CDNF: variants seen among roughly 807,000 people sequenced by gnomAD.
CDNF encodes the protein ARMET-like protein 1.
CDNF carries 9 observed loss-of-function variants against 14.8 expected under a neutral mutation model. That is an observed-to-expected ratio of 0.61 (90% CI 0.37 to 1.06). The LOEUF is 1.06. CDNF is among the 50% of genes least tolerant of loss of function. CDNF has a pLI of 0.01. For missense variants in CDNF, 228 were observed against 228.4 expected (o/e 1.00, Z 0.01); for synonymous variants, 86 against 87.2 (o/e 0.99, Z 0.07).
intron 3 of CDNF, among the ~76,000 whole-genome samples, chr10:14,822,182 C>G (rs1259171999): frequency 1.3e-5 from 2 of 152,112 alleles, no homozygotes; most frequent in African/African-American, 4.8e-5. Flanking sequence ...TTGGTGCCAG[C>G]CAACCTGGCT....
At chr10:14,824,370 A>C (rs7899163) in intron 3 of CDNF, among the ~76,000 whole-genome samples, 65,956 of 151,986 alleles carry the variant, frequency 0.43, 17,895 homozygotes, top group African/African-American at 0.77. Flanking sequence ...CTTTGAGAGG[A>C]CAAGGCAGGT....
chr10:14,826,117 AGC>A (rs1463692099), intron 2 of CDNF, among the ~76,000 whole-genome samples: 1,735 of 135,618 alleles, frequency 0.013, 92 homozygotes, highest in South Asian at 0.041. Flanking sequence ...CAGCAGCAGC[AGC>A]AGCAGAAGCA....
chr10:14,819,950 T>G lies in CDNF; in HGVS notation c.*30A>C, dbSNP rs759972267. On this transcript the variant is annotated 3_prime_UTR_variant, in exon 4 of 4. Transcript: ENST00000465530. ...CTAGAGAGTCACTTTTCTCTCTAAT[T>G]ACAAGTCACAAATGTGCTGGCATTG... 1 of 1,599,152 alleles carries G rather than the reference T, an allele frequency of 6.3e-7. No homozygotes were observed. Among genetic ancestry groups the G allele is most frequent in the African/African-American group, 1.3e-5 (1 of 74,338 alleles).
intron 3 of CDNF, among the ~76,000 whole-genome samples, chr10:14,822,859 A>ATACAC (rs1564312301): frequency 6.6e-6 from 1 of 152,248 alleles, no homozygotes. Context: ...AGGGTCAGCT[A>ATACAC]TACACTGTGC....
At chr10:14,833,312 G>C (rs1833861341) in intron 1 of CDNF, among the ~76,000 whole-genome samples, 4 of 152,098 alleles carry the variant, frequency 2.6e-5, no homozygotes, top group Non-Finnish European at 4.4e-5. Context: ...CTAACTACTT[G>C]AGGGCCTGCA....
chr10:14,825,144 G>A (rs1043296588), intron 3 of CDNF, among the ~76,000 whole-genome samples: 4 of 151,582 alleles, frequency 2.6e-5, no homozygotes, highest in African/African-American at 9.7e-5. Context: ...TTTTAGTAGA[G>A]ACAGGGTTTA....
chr10:14,828,380 G>A, intron 1 of CDNF, 108 bp from the exon 2 acceptor site: 1 of 1,052,766 alleles, frequency 9.5e-7, no homozygotes, highest in Non-Finnish European at 1.4e-6. Context: ...TGGGCATGGT[G>A]GCTTACCCCT....
intron 2 of CDNF, 72 bp downstream of exon 2, chr10:14,828,073 C>G: frequency 1.3e-6 from 2 of 1,498,958 alleles, no homozygotes. Flanking sequence ...GAGGACTTCA[C>G]GTCTAAGAAA....
intron 1 of CDNF, among the ~76,000 whole-genome samples, chr10:14,836,552 T>A (rs1166325371): frequency 6.6e-6 from 1 of 152,242 alleles, no homozygotes; most frequent in East Asian, 1.9e-4. Flanking sequence ...AATATCTTTA[T>A]ATCGAGTAAT....
intron 2 of CDNF, 69 bp from the exon 3 acceptor site, chr10:14,825,689 G>A: frequency 1.3e-6 from 2 of 1,505,580 alleles, no homozygotes; most frequent in East Asian, 2.3e-5. Flanking sequence ...CAGTAATGAA[G>A]GAATACAGTA....
chr10:14,822,976 T>C (rs1453160785), intron 3 of CDNF, among the ~76,000 whole-genome samples: 1 of 152,220 alleles, frequency 6.6e-6, no homozygotes, highest in African/African-American at 2.4e-5. Context: ...ACCTTCCTAA[T>C]TGAAAACATA....
At chr10:14,820,597 C>T (rs1171064453) in intron 3 of CDNF, among the ~76,000 whole-genome samples, 2 of 151,358 alleles carry the variant, frequency 1.3e-5, no homozygotes, top group South Asian at 2.1e-4. Flanking sequence ...CCGGGCATGG[C>T]GGTGGCATGC....
At chr10:14,826,622 C>A (rs1310666732) in intron 2 of CDNF, among the ~76,000 whole-genome samples, 6 of 152,164 alleles carry the variant, frequency 3.9e-5, no homozygotes, top group African/African-American at 1.4e-4. Flanking sequence ...ATTAGATGTG[C>A]CCTACAATTC....
Position 14,828,256 on chromosome 10 carries a change from C to G in CDNF, c.132G>C (p.Leu44Phe). 3 of 1,613,732 alleles carry G rather than the reference C, an allele frequency of 1.9e-6. No individual in the cohort carries two copies. Among genetic ancestry groups the G allele is most frequent in the Non-Finnish European group, 2.5e-6 (3 of 1,179,742 alleles). Residue 44 changes from leucine to phenylalanine, a missense_variant, in exon 2 of 4, where the codon TTG becomes TTC. Physicochemically the swap from Leu to Phe is conservative, Grantham distance 22 (BLOSUM62 0). Coordinates refer to ENST00000465530, the MANE Select transcript of CDNF (RefSeq NM_001029954.3). The stretch of plus-strand genomic sequence containing the variant: ...CTATCAGTGACTTGTAGAATCGGTT[C>G]AAGAATTCTTTACATACTGGAAGGA... The part of the protein sequence containing the change: ...GADCEVCKEF[L>F]NRFYKSLIDR...
In CDNF at chr10:14,819,467, G is replaced by A. The variant is rs940942930; in HGVS notation, c.*513C>T. On this transcript the variant is annotated 3_prime_UTR_variant, in exon 4 of 4. Transcript: ENST00000465530. ...TGGGTTTTCTTCCAATGGGAAAAAC[G>A]AGTACTCCTGCCTGACCATTTCTGA... is the stretch of plus-strand genomic sequence containing the variant. 2.6e-5 allele frequency: 4 copies of A among 151,972 alleles called. No homozygotes were observed. The highest frequency in any genetic ancestry group is 1.3e-4 in the Admixed American group (2 of 15,250). The allele number at this position is 151,972 out of a possible 1,614,324, so 9.4% of individuals were successfully genotyped here. A position where few individuals can be genotyped will look rare whatever the true frequency, so the allele number is the denominator to read the frequency against.
At chr10:14,831,388 A>G (rs1833841988) in intron 1 of CDNF, among the ~76,000 whole-genome samples, 1 of 148,576 alleles carries the variant, frequency 6.7e-6, no homozygotes. Flanking sequence ...ATATTTTCAC[A>G]TTTTTATTTT....
At chr10:14,824,553 C>A (rs1833763292) in intron 3 of CDNF, among the ~76,000 whole-genome samples, 1 of 149,314 alleles carries the variant, frequency 6.7e-6, no homozygotes, top group Non-Finnish European at 1.5e-5. Flanking sequence ...TTGCAGTGAG[C>A]CAAGATCGCA....
intron 2 of CDNF, among the ~76,000 whole-genome samples, chr10:14,826,206 A>C (rs1323769595): frequency 6.7e-6 from 1 of 150,156 alleles, no homozygotes; most frequent in African/African-American, 2.5e-5. Flanking sequence ...GAAGAAGAAG[A>C]AGAAGAAGAA....
intron 2 of CDNF, among the ~76,000 whole-genome samples, chr10:14,826,046 G>GAA (rs1241538244): frequency 2.5e-5 from 3 of 121,260 alleles, no homozygotes; most frequent in African/African-American, 1.1e-4. Context: ...AGAAGAAGAA[G>GAA]AAGAAGAAGA....
Sources: allele counts gnomAD v4.1 joint callset (sites outside exome capture counted in the v4.1 genomes callset), GRCh38; gene constraint gnomAD v4.1.1; transcripts MANE v1.5; gene names NCBI Gene and HGNC (gene_info 2026-07-23, HGNC 2026-07-21).